SH3PXD2B: variants seen among roughly 807,000 people sequenced by gnomAD.
SH3PXD2B encodes the protein SH3 and PX domain-containing protein 2B.
Under a neutral mutation model 73.1 loss-of-function variants are expected in SH3PXD2B, and 37 were observed. The ratio of observed to expected loss-of-function variants is 0.51; its 90% CI spans 0.39 to 0.67. The LOEUF (loss-of-function observed/expected upper bound fraction) is 0.67. Ranked by LOEUF, SH3PXD2B falls within the 30% of genes least tolerant of loss-of-function variation. The pLI is 0.00. For synonymous variants in SH3PXD2B, 457 were observed against 480.5 expected (o/e 0.95, Z 0.64); for missense variants, 1,053 against 1,197.8 (o/e 0.88, Z 1.78).
intron 3 of SH3PXD2B, among the ~76,000 whole-genome samples, chr5:172,398,430 A>C (rs1282403172): frequency 6.6e-6 from 1 of 152,236 alleles, no homozygotes; most frequent in Non-Finnish European, 1.5e-5. Context: ...ATGTTGGGCA[A>C]GTGCTTTCAA....
intron 10 of SH3PXD2B, among the ~76,000 whole-genome samples, chr5:172,348,658 T>TCTATCTATC (rs1554135132): frequency 6.8e-4 from 28 of 41,104 alleles, no homozygotes; most frequent in African/African-American, 1.5e-3. Context: ...ATCTATCCTA[T>TCTATCTATC]CTATCTATCT....
chr5:172,333,123 TG>T (rs1756596768), downstream of SH3PXD2B, among the ~76,000 whole-genome samples: 1 of 151,442 alleles, frequency 6.6e-6, no homozygotes, highest in South Asian at 2.1e-4. Context: ...TTAGTAGAGA[TG>T]GGGTTTCGCC....
rs545566586 is a variant in SH3PXD2B, at chr5:172,346,401, C to A, written c.1063-140G>T. 6.8e-5 allele frequency: 88 copies of A among 1,285,692 alleles called. 1 individual carries two copies. The Middle Eastern group carries it at 8.0e-4, about 12-fold the overall frequency. The allele number at this position is 1,285,692 out of a possible 1,614,324, so 79.6% of individuals were successfully genotyped here. A position where few individuals can be genotyped will look rare whatever the true frequency, so the allele number is the denominator to read the frequency against. On this transcript the variant is annotated intron_variant, in intron 11 of 12. Transcript: ENST00000311601. ...CCTAGTTGGATTCTAAGGGACAACA[C>A]AAATAGGACCACGCAGTTTGTCACT... is the stretch of plus-strand genomic sequence containing the variant.
intron 1 of SH3PXD2B, 30 bp downstream of exon 1, chr5:172,454,248 A>G: frequency 6.3e-7 from 1 of 1,582,134 alleles, no homozygotes; most frequent in East Asian, 2.3e-5. Flanking sequence ...GCGCGGGCTC[A>G]AGGGGGCGTG....
chr5:172,439,232 AAAACAGAAAAAAAAAAAAG>A (rs1759463093), intron 1 of SH3PXD2B, among the ~76,000 whole-genome samples: 2 of 120,148 alleles, frequency 1.7e-5, no homozygotes, highest in Non-Finnish European at 3.5e-5. Flanking sequence ...AGAAACAGAA[AAAACAGAAAAAAAAAAAAG>A]AAAAAAAAAA....
intron 2 of SH3PXD2B, among the ~76,000 whole-genome samples, chr5:172,412,654 T>C (rs1200957341): frequency 6.6e-6 from 1 of 152,144 alleles, no homozygotes; most frequent in Non-Finnish European, 1.5e-5. Context: ...CGGCCACCAA[T>C]TGCATCTATG....
intron 4 of SH3PXD2B, 108 bp from the exon 5 acceptor site, chr5:172,382,235 G>A: frequency 4.5e-6 from 4 of 882,542 alleles, no homozygotes; most frequent in Non-Finnish European, 6.9e-6. Context: ...ATAATTGTTT[G>A]AACCTGGGAG....
chr5:172,446,889 G>A (rs73804849), intron 1 of SH3PXD2B, among the ~76,000 whole-genome samples: 2,533 of 152,322 alleles, frequency 0.017, 62 homozygotes, highest in African/African-American at 0.058. Flanking sequence ...ACCTTCCCTC[G>A]TGGTATTTTA....
In SH3PXD2B at chr5:172,335,377, C is replaced by T. The variant is rs1356295390; in HGVS notation, c.*2992G>A. ...CTTGATTCCCTGGAAGCCCTCCGCA[C>T]ACTTCCCTGCTAATGGCAGAGAAAA... On this transcript the variant is annotated 3_prime_UTR_variant, in exon 13 of 13. Transcript: ENST00000311601. 8.2e-7 allele frequency: 1 copy of T among 1,221,412 alleles called. No homozygotes were observed. The highest frequency in any genetic ancestry group is 1.0e-6 in the Non-Finnish European group (1 of 982,056). 75.7% of individuals were successfully genotyped at this position (1,221,412 alleles called of 1,614,324 possible). A position where few individuals can be genotyped will look rare whatever the true frequency, so the allele number is the denominator to read the frequency against.
chr5:172,350,181 C>T (rs1235658780), intron 10 of SH3PXD2B, among the ~76,000 whole-genome samples, 182 bp downstream of exon 10: 2 of 152,158 alleles, frequency 1.3e-5, no homozygotes, highest in African/African-American at 4.8e-5. Context: ...TCAGATTCTG[C>T]AATTCACGGG....
chr5:172,405,701 C>T (rs1177987027), intron 3 of SH3PXD2B, among the ~76,000 whole-genome samples: 1 of 152,158 alleles, frequency 6.6e-6, no homozygotes, highest in African/African-American at 2.4e-5. Context: ...TGAGCAGAAC[C>T]CAGTTGGGCC....
intron 6 of SH3PXD2B, among the ~76,000 whole-genome samples, chr5:172,365,166 G>C (rs928828710): frequency 5.9e-5 from 9 of 152,214 alleles, no homozygotes; most frequent in Admixed American, 3.3e-4. Context: ...CAGAGGAAGA[G>C]AGAGCAGGAA....
At position 172,335,195 on chromosome 5, in the gene SH3PXD2B, A is replaced by C. The variant is rs893808999; in HGVS notation, c.*3174T>G. On this transcript the variant is annotated 3_prime_UTR_variant, in exon 13 of 13. Transcript: ENST00000311601. ...AGCTGTCCGTTTGCCCTGGGATGTAAGGTAAAGTAGTTGTCACAATTGTGT... is the reference window on the plus strand; with the variant it reads ...AGCTGTCCGTTTGCCCTGGGATGTACGGTAAAGTAGTTGTCACAATTGTGT... 1 of 1,003,562 alleles carries C rather than the reference A, an allele frequency of 1.0e-6. No individual in the cohort carries two copies. The allele number at this position is 1,003,562 out of a possible 1,614,324, so 62.2% of individuals were successfully genotyped here.
At chr5:172,372,381 A>C (rs1757725715) in intron 6 of SH3PXD2B, among the ~76,000 whole-genome samples, 1 of 151,754 alleles carries the variant, frequency 6.6e-6, no homozygotes, top group Non-Finnish European at 1.5e-5. Context: ...TGCTTGCTCC[A>C]CCTTTGCCTT....
chr5:172,439,845 G>T (rs1759511542), intron 1 of SH3PXD2B, among the ~76,000 whole-genome samples: 1 of 150,372 alleles, frequency 6.7e-6, no homozygotes, highest in South Asian at 2.1e-4. Flanking sequence ...GCCGACGACT[G>T]AGACACTGGG....
chr5:172,329,075 A>ATTTTTTTTTT (rs1561884420), downstream of SH3PXD2B, among the ~76,000 whole-genome samples: 5 of 71,142 alleles, frequency 7.0e-5, no homozygotes, highest in African/African-American at 2.8e-4. Context: ...ATATATATAT[A>ATTTTTTTTTT]TATATATATT....
chr5:172,365,680 G>A (rs565040594), intron 6 of SH3PXD2B, among the ~76,000 whole-genome samples: 1 of 152,286 alleles, frequency 6.6e-6, no homozygotes, highest in African/African-American at 2.4e-5. Context: ...CCTGAGAGTG[G>A]GCTGCTTCAC....
At chr5:172,444,858 G>A (rs1246325200) in intron 1 of SH3PXD2B, among the ~76,000 whole-genome samples, 2 of 152,118 alleles carry the variant, frequency 1.3e-5, no homozygotes, top group South Asian at 2.1e-4. Context: ...CAGCCTTCGT[G>A]TGCTGTACTG....
chr5:172,396,979 A>G (rs550049171), intron 3 of SH3PXD2B, among the ~76,000 whole-genome samples: 1 of 152,338 alleles, frequency 6.6e-6, no homozygotes, highest in East Asian at 1.9e-4. Flanking sequence ...AATACGTATC[A>G]CAAAGTATCA....
Sources: gnomAD v4.1 joint callset for allele counts (sites outside exome capture counted in the v4.1 genomes callset) on GRCh38, gnomAD v4.1.1 for gene constraint, MANE v1.5 for transcripts, NCBI Gene and HGNC (gene_info 2026-07-23, HGNC 2026-07-21) for gene names.